UEVLD: variants seen among roughly 807,000 people sequenced by gnomAD.
The protein encoded by UEVLD is ubiquitin-conjugating enzyme E2 variant 3.
Under a neutral mutation model 58.6 loss-of-function variants are expected in UEVLD, and 47 were observed. The observed-to-expected ratio is 0.80, with a 90% CI of 0.63 to 1.02. UEVLD has a LOEUF of 1.02. Among genes scored for constraint, UEVLD ranks in the 50% least tolerant of loss-of-function variants. The pLI, the probability that UEVLD is intolerant of heterozygous loss-of-function variation, is 0.00. For missense variants in UEVLD, 510 were observed against 550.6 expected (o/e 0.93, Z 0.74); for synonymous variants, 197 against 195.3 (o/e 1.01, Z -0.07).
At chr11:18,547,364 A>T (rs1212539243) in intron 7 of UEVLD, among the ~76,000 whole-genome samples, 1 of 152,112 alleles carries the variant, frequency 6.6e-6, no homozygotes, top group East Asian at 1.9e-4. Context: ...TGTCTCTACT[A>T]AAATATAAAA....
At chr11:18,581,356 T>C (rs1260869455) in intron 1 of UEVLD, among the ~76,000 whole-genome samples, 1 of 151,988 alleles carries the variant, frequency 6.6e-6, no homozygotes, top group Non-Finnish European at 1.5e-5. Flanking sequence ...AAGCTGAATC[T>C]ACATTTCAGC....
intron 8 of UEVLD, among the ~76,000 whole-genome samples, chr11:18,545,243 T>G (rs1020600481): frequency 6.6e-6 from 1 of 151,590 alleles, no homozygotes; most frequent in Non-Finnish European, 1.5e-5. Context: ...CAGTTAATTT[T>G]TGTATTTTTG....
At chr11:18,585,072 A>G (rs1290887465) in intron 1 of UEVLD, among the ~76,000 whole-genome samples, 1 of 152,148 alleles carries the variant, frequency 6.6e-6, no homozygotes, top group African/African-American at 2.4e-5. Flanking sequence ...TTTTAAAAAA[A>G]TTGAGATAGG....
intron 9 of UEVLD, among the ~76,000 whole-genome samples, chr11:18,537,364 C>G (rs577451166): frequency 2.8e-5 from 4 of 145,122 alleles, no homozygotes; most frequent in Non-Finnish European, 4.5e-5. Context: ...GACGGACTCT[C>G]GCTGTTACCT....
Position 18,563,266 on chromosome 11 carries a change from C to T in UEVLD, c.612+1626G>A, listed in dbSNP as rs117068183. Among the ~76,000 whole-genome samples, 871 of 152,122 alleles carry T rather than the reference C, an allele frequency of 5.7e-3. 2 individuals are homozygous for T. The highest frequency in any genetic ancestry group is 9.9e-3 in the Non-Finnish European group (672 of 68,008). On this transcript the variant is annotated intron_variant, in intron 6 of 11. Transcript: ENST00000396197. ...TAAGTGCTATAAAAACCATTCATGCCCTCTGACTCACTAGTACTATTTTTT... is the reference window on the plus strand; with the variant it reads ...TAAGTGCTATAAAAACCATTCATGCTCTCTGACTCACTAGTACTATTTTTT...
intron 3 of UEVLD, among the ~76,000 whole-genome samples, chr11:18,574,188 C>G (rs1197586931): frequency 6.6e-6 from 1 of 152,240 alleles, no homozygotes; most frequent in Non-Finnish European, 1.5e-5. Context: ...GTCACTCAGG[C>G]TGGAGTGCAG....
chr11:18,570,008 G>C (rs926275080), intron 4 of UEVLD: 1 of 400,788 alleles, frequency 2.5e-6, no homozygotes, highest in South Asian at 5.1e-5. Flanking sequence ...AAAACCTGGA[G>C]GGAGCAGCTT....
At chr11:18,577,250 A>C (rs1050310836) in intron 2 of UEVLD, among the ~76,000 whole-genome samples, 10 of 152,176 alleles carry the variant, frequency 6.6e-5, no homozygotes, top group Admixed American at 1.3e-4. Flanking sequence ...AAAAACAAAC[A>C]AACAAAAAAA....
chr11:18,586,516 C>T (rs929641162), intron 1 of UEVLD, among the ~76,000 whole-genome samples: 1 of 152,002 alleles, frequency 6.6e-6, no homozygotes, highest in Non-Finnish European at 1.5e-5. Flanking sequence ...CGTGCCTGGC[C>T]TTACATTTAT....
At chr11:18,568,093 T>A (rs1852387384) in intron 4 of UEVLD, among the ~76,000 whole-genome samples, 1 of 152,192 alleles carries the variant, frequency 6.6e-6, no homozygotes, top group Non-Finnish European at 1.5e-5. Context: ...TACAGTGAGC[T>A]ATGATTGTGC....
At chr11:18,563,291 T>C (rs1461578024) in intron 6 of UEVLD, among the ~76,000 whole-genome samples, 1 of 151,942 alleles carries the variant, frequency 6.6e-6, no homozygotes, top group African/African-American at 2.4e-5. Context: ...TACTATTTTT[T>C]AAAATTATGT....
intron 11 of UEVLD, among the ~76,000 whole-genome samples, chr11:18,534,030 C>T (rs1297450033): frequency 6.6e-6 from 1 of 152,180 alleles, no homozygotes; most frequent in African/African-American, 2.4e-5. Flanking sequence ...CTCACTGCAG[C>T]CTCAACCTCC....
At chr11:18,570,159 A>T in intron 4 of UEVLD, 55 bp downstream of exon 4, 1 of 1,472,194 alleles carries the variant, frequency 6.8e-7, no homozygotes. Flanking sequence ...AGAATCAATG[A>T]TAGGTATTTA....
At chr11:18,545,548 G>A (rs894757582) in intron 8 of UEVLD, among the ~76,000 whole-genome samples, 1 of 152,014 alleles carries the variant, frequency 6.6e-6, no homozygotes, top group African/African-American at 2.4e-5. Context: ...AGGTTCAAGG[G>A]ATTCTCCTAC....
chr11:18,578,853 CA>C (rs1319143753), intron 1 of UEVLD, 45 bp from the exon 2 acceptor site: 59 of 1,395,590 alleles, frequency 4.2e-5, no homozygotes, highest in Non-Finnish European at 5.6e-5. Context: ...AAGCTGTAAG[CA>C]AAAGAACAAT....
rs182500709 is a variant in UEVLD, at chr11:18,552,842, G to A, written c.715+5386C>T. ...CACCACCGCACTCCAGCCTGAATGA[G>A]TGAGACTTGGTCTCAAAAAGAAAAA... is the stretch of plus-strand genomic sequence containing the variant. On this transcript the variant is annotated intron_variant, in intron 7 of 11. Transcript: ENST00000396197. Among the ~76,000 whole-genome samples, 226 of 150,938 alleles carry A rather than the reference G, an allele frequency of 1.5e-3. 1 individual carries two copies. The highest frequency in any genetic ancestry group is 5.3e-3 in the African/African-American group (216 of 41,116).
At chr11:18,579,374 G>C (rs1296070870) in intron 1 of UEVLD, 1 of 861,422 alleles carries the variant, frequency 1.2e-6, no homozygotes, top group Non-Finnish European at 1.4e-6. Flanking sequence ...TGAAGCCCGA[G>C]CTCAAATCCA....
At chr11:18,533,455 T>C (rs1850659673) in intron 11 of UEVLD, among the ~76,000 whole-genome samples, 1 of 150,594 alleles carries the variant, frequency 6.6e-6, no homozygotes, top group Non-Finnish European at 1.5e-5. Context: ...TGGGGTGACT[T>C]GGCTGGCTGA....
At chr11:18,574,145 C>G (rs549311587) in intron 3 of UEVLD, among the ~76,000 whole-genome samples, 1 of 152,130 alleles carries the variant, frequency 6.6e-6, no homozygotes, top group Non-Finnish European at 1.5e-5. Flanking sequence ...TTCAAAAGAA[C>G]AGTGAACTTT....
Sources: allele counts gnomAD v4.1 joint callset (sites outside exome capture counted in the v4.1 genomes callset), GRCh38; gene constraint gnomAD v4.1.1; transcripts MANE v1.5; gene names NCBI Gene and HGNC (gene_info 2026-07-23, HGNC 2026-07-21).